ZFYVE9: variants seen among roughly 807,000 people sequenced by gnomAD.
The protein encoded by ZFYVE9 is zinc finger FYVE-type containing 9, also known as zinc finger FYVE domain-containing protein 9.
A neutral mutation model predicts 126.7 loss-of-function variants in ZFYVE9; 43 were observed. That is an observed-to-expected ratio of 0.34 (90% CI 0.27 to 0.44). ZFYVE9 has a LOEUF of 0.44. Ranked by LOEUF, ZFYVE9 falls within the 20% of genes least tolerant of loss-of-function variation. The pLI, the probability that ZFYVE9 is intolerant of heterozygous loss-of-function variation, is 1.00. For missense variants in ZFYVE9, 1,476 were observed against 1,697.0 expected, an observed-to-expected ratio of 0.87 and a Z score of 2.29; for synonymous variants, 521 against 597.4, an observed-to-expected ratio of 0.87 and a Z score of 1.87.
intron 1 of ZFYVE9, chr1:52,160,161 T>C (rs1644442581): frequency 4.7e-6 from 3 of 632,892 alleles, no homozygotes; most frequent in Non-Finnish European, 8.6e-6. Flanking sequence ...GGAGTAGCTG[T>C]GAAGCTCTAC....
In ZFYVE9 at chr1:52,197,339, T is replaced by G. The variant is rs768350363; in HGVS notation, c.-142-19030T>G. Among the ~76,000 whole-genome samples, 13 of 152,118 alleles carry G rather than the reference T, an allele frequency of 8.5e-5. 1 individual carries two copies. The highest frequency in any genetic ancestry group is 1.6e-4 in the Non-Finnish European group (11 of 68,012). On this transcript the variant is annotated intron_variant, in intron 1 of 18. Coordinates refer to ENST00000287727, the MANE Select transcript of ZFYVE9 (RefSeq NM_004799.4). The stretch of plus-strand genomic sequence containing the variant: ...ATTGATTAGTATGAAAATAGATGTA[T>G]GTGTTGAGATGTGTGTGGAGCATGG...
chr1:52,159,418 G>A (rs1379921843), intron 1 of ZFYVE9, among the ~76,000 whole-genome samples: 2 of 152,208 alleles, frequency 1.3e-5, no homozygotes, highest in Non-Finnish European at 2.9e-5. Flanking sequence ...GAGGACTTCC[G>A]TGAAAGGAAA....
chr1:52,258,743 A>G (rs1468597797), intron 4 of ZFYVE9, among the ~76,000 whole-genome samples: 1 of 152,180 alleles, frequency 6.6e-6, no homozygotes. Flanking sequence ...TTGAAGAGTC[A>G]TCTACTTTTC....
chr1:52,206,586 C>T (rs1644980147), intron 1 of ZFYVE9, among the ~76,000 whole-genome samples: 1 of 152,064 alleles, frequency 6.6e-6, no homozygotes, highest in Admixed American at 6.6e-5. Flanking sequence ...CGTGGTGTCA[C>T]CCAGGCTGGA....
chr1:52,321,405 A>T (rs926627349), intron 13 of ZFYVE9, among the ~76,000 whole-genome samples: 2 of 152,196 alleles, frequency 1.3e-5, no homozygotes, highest in Non-Finnish European at 2.9e-5. Flanking sequence ...GGTCCTCTGG[A>T]GAATAGTGCA....
intron 4 of ZFYVE9, among the ~76,000 whole-genome samples, chr1:52,249,175 G>T (rs1319332264): frequency 6.6e-6 from 1 of 152,032 alleles, no homozygotes; most frequent in African/African-American, 2.4e-5. Context: ...AAGTTTCCTG[G>T]GGCCTTCCAG....
chr1:52,158,276 T>TG (rs1644421489), intron 1 of ZFYVE9, among the ~76,000 whole-genome samples: 1 of 152,210 alleles, frequency 6.6e-6, no homozygotes, highest in East Asian at 1.9e-4. Context: ...TTCTTGCCAT[T>TG]CTTTTGGGGA....
chr1:52,207,533 G>A (rs913606129), intron 1 of ZFYVE9, among the ~76,000 whole-genome samples: 4 of 152,100 alleles, frequency 2.6e-5, no homozygotes, highest in African/African-American at 9.7e-5. Flanking sequence ...AATGTATTTT[G>A]GTCTTGATCT....
intron 17 of ZFYVE9, among the ~76,000 whole-genome samples, chr1:52,344,515 T>G (rs1333354157): frequency 6.6e-6 from 1 of 152,152 alleles, no homozygotes; most frequent in Non-Finnish European, 1.5e-5. Flanking sequence ...ATTGCAACCA[T>G]GGAGGCTTGC....
At chr1:52,144,219 T>C (rs752147591) in intron 1 of ZFYVE9, among the ~76,000 whole-genome samples, 10 of 152,214 alleles carry the variant, frequency 6.6e-5, no homozygotes, top group Non-Finnish European at 1.2e-4. Flanking sequence ...CTCGGGAGGC[T>C]GAGGCACAAG....
chr1:52,236,190 T>C (rs1375949991), intron 3 of ZFYVE9, among the ~76,000 whole-genome samples: 1 of 152,196 alleles, frequency 6.6e-6, no homozygotes. Flanking sequence ...TTAATCTTCA[T>C]GTTCCTCAAT....
intron 1 of ZFYVE9, among the ~76,000 whole-genome samples, chr1:52,153,180 T>C (rs1321687452): frequency 6.6e-6 from 1 of 152,250 alleles, no homozygotes; most frequent in Non-Finnish European, 1.5e-5. Context: ...TCCTTGGACC[T>C]GAATGGCAAT....
chr1:52,245,479 A>G (rs1645375747), intron 4 of ZFYVE9, among the ~76,000 whole-genome samples: 1 of 152,192 alleles, frequency 6.6e-6, no homozygotes, highest in African/African-American at 2.4e-5. Context: ...TTCTAAATCC[A>G]GACTTACAGA....
chr1:52,313,130 GTTGATTTTGGGC>G (rs1262895177), intron 13 of ZFYVE9, among the ~76,000 whole-genome samples: 1 of 152,180 alleles, frequency 6.6e-6, no homozygotes. Context: ...CTCTGCTGAT[GTTGATTTTGGGC>G]TTGATTTTGG....
intron 13 of ZFYVE9, among the ~76,000 whole-genome samples, chr1:52,319,249 A>G (rs530023126): frequency 6.6e-6 from 1 of 152,348 alleles, no homozygotes; most frequent in South Asian, 2.1e-4. Context: ...TGGTAGACTC[A>G]GTACTGTTAA....
chr1:52,279,905 A>G (rs1249872349), intron 9 of ZFYVE9, among the ~76,000 whole-genome samples: 2 of 152,204 alleles, frequency 1.3e-5, no homozygotes, highest in East Asian at 3.8e-4. Flanking sequence ...CCAGAAACAT[A>G]TACTACTTCC....
chr1:52,147,704 C>CT (rs1644317730), intron 1 of ZFYVE9, among the ~76,000 whole-genome samples: 1 of 152,166 alleles, frequency 6.6e-6, no homozygotes, highest in Non-Finnish European at 1.5e-5. Context: ...TGGAAATATG[C>CT]TTTCATTTCT....
At chr1:52,323,001 T>C (rs1039822634) in intron 13 of ZFYVE9, among the ~76,000 whole-genome samples, 9 of 152,106 alleles carry the variant, frequency 5.9e-5, no homozygotes, top group Non-Finnish European at 1.0e-4. Context: ...AGACAGGGTT[T>C]CACCGTGTTA....
chr1:52,318,150 A>G (rs888051428), intron 13 of ZFYVE9, among the ~76,000 whole-genome samples: 2 of 152,158 alleles, frequency 1.3e-5, no homozygotes, highest in African/African-American at 4.8e-5. Flanking sequence ...TAGTTAACAA[A>G]TTTTTAGTAA....
Sources: gnomAD v4.1 joint callset for allele counts (sites outside exome capture counted in the v4.1 genomes callset) on GRCh38, gnomAD v4.1.1 for gene constraint, MANE v1.5 for transcripts, NCBI Gene and HGNC (gene_info 2026-07-23, HGNC 2026-07-21) for gene names.